Variants in MED13L observed in about 807,000 individuals in gnomAD.
MED13L encodes the protein mediator complex subunit 13L.
Under a neutral mutation model 220.9 loss-of-function variants are expected in MED13L, and 7 were observed. The observed-to-expected ratio is 0.03, with a 90% CI of 0.02 to 0.06. The LOEUF (loss-of-function observed/expected upper bound fraction) is 0.06, where lower values mean the gene tolerates loss of function less well. Among genes scored for constraint, MED13L ranks in the 10% least tolerant of loss-of-function variants. The pLI is 1.00. For missense variants in MED13L, 1,965 were observed against 2,760.5 expected (o/e 0.71, Z 6.46); for synonymous variants, 1,011 against 1,015.2 (o/e 1.00, Z 0.08).
intron 4 of MED13L, among the ~76,000 whole-genome samples, chr12:116,041,943 C>T (rs1298802085): frequency 6.6e-6 from 1 of 152,122 alleles, no homozygotes; most frequent in Admixed American, 6.5e-5. Context: ...GAAATTTAGC[C>T]AAGAGGAGAC....
At chr12:116,156,900 C>T (rs1016150974) in intron 2 of MED13L, among the ~76,000 whole-genome samples, 2 of 152,116 alleles carry the variant, frequency 1.3e-5, no homozygotes, top group African/African-American at 4.8e-5. Context: ...AGAAGCTGAA[C>T]ATTGAGGATG....
chr12:116,270,378 G>C (rs1038163361), intron 1 of MED13L, among the ~76,000 whole-genome samples: 2 of 152,002 alleles, frequency 1.3e-5, no homozygotes, highest in African/African-American at 2.4e-5. Flanking sequence ...TCCTGACCTC[G>C]TGATCCGCCT....
Position 116,008,568 on chromosome 12 carries a change from T to C in MED13L, c.1845A>G (p.Thr615=). The part of the protein sequence containing the change: ...RLPLMAEVSE[T]ALYCGIRPSN... ...AGGGCCTAATCCCACAATATAAGGC[T>C]GTCTCGCTGACCTCTGCCATGAGAG... is the stretch of plus-strand genomic sequence containing the variant. Residue 615 remains threonine (T), a synonymous_variant, in exon 10 of 31, where the codon ACA becomes ACG. Transcript: ENST00000281928. 1.9e-6 allele frequency: 3 copies of C among 1,614,028 alleles called. No individual in the cohort carries two copies. Among genetic ancestry groups the C allele is most frequent in the Non-Finnish European group, 1.7e-6 (2 of 1,179,976 alleles).
intron 4 of MED13L, among the ~76,000 whole-genome samples, chr12:116,067,527 C>T (rs1870040334): frequency 1.3e-5 from 2 of 152,112 alleles, no homozygotes; most frequent in South Asian, 4.1e-4. Context: ...AAAGTAGATG[C>T]CTCATCTCCC....
Position 116,066,809 on chromosome 12 carries a change from C to A in MED13L, c.479+29860G>T, listed in dbSNP as rs1249204390. Among the ~76,000 whole-genome samples the A allele has an allele frequency of 4.0e-5, 6 of 151,302 alleles. No individual in the cohort carries two copies. The East Asian group carries it at 9.7e-4, about 25-fold the overall frequency. On this transcript the variant is annotated intron_variant, in intron 4 of 30. Transcript: ENST00000281928. Reference sequence around the variant, plus strand: ...AAAGCGCATCAACTCTACCGGCTACCAACAGAGGGCGAAAGCGGTCACATG... The same window carrying A: ...AAAGCGCATCAACTCTACCGGCTACAAACAGAGGGCGAAAGCGGTCACATG...
intron 4 of MED13L, among the ~76,000 whole-genome samples, chr12:116,060,115 G>T (rs1421925087): frequency 1.3e-5 from 2 of 152,100 alleles, no homozygotes; most frequent in African/African-American, 4.8e-5. Flanking sequence ...CTAAGCGCAA[G>T]ATTGCTCCTG....
Position 115,983,180 on chromosome 12 carries a change from C to T in MED13L, c.4892G>A (p.Gly1631Asp). Reference sequence around the variant, plus strand: ...CCCAGGGTCAGTGTCTCCACCACAGCCTATGTTCCCTTGCGTTCTATCCGC... The same window carrying T: ...CCCAGGGTCAGTGTCTCCACCACAGTCTATGTTCCCTTGCGTTCTATCCGC... Reference protein sequence around the residue: ...ISADRTQGNIGCGGDTDPGQS... With the variant: ...ISADRTQGNIDCGGDTDPGQS... The change falls in exon 21 of 31, where the codon GGC (glycine) becomes GAC (aspartate). Residue 1631 changes from glycine (G) to aspartate (D), a missense_variant. This residue lies in a region of MED13L where 510 missense variants were observed against 620.4 expected (regional missense o/e 0.82). Coordinates refer to ENST00000281928, the MANE Select transcript of MED13L (RefSeq NM_015335.5). The T allele has an allele frequency of 6.2e-7, 1 of 1,614,162 alleles. No individual in the cohort carries two copies. Among genetic ancestry groups the T allele is most frequent in the East Asian group, 2.2e-5 (1 of 44,876 alleles).
At chr12:116,092,191 G>GA (rs1454388362) in intron 4 of MED13L, among the ~76,000 whole-genome samples, 3 of 152,120 alleles carry the variant, frequency 2.0e-5, no homozygotes, top group Non-Finnish European at 2.9e-5. Flanking sequence ...GAGTAAAACA[G>GA]AAAAAATCAT....
Position 115,987,263 on chromosome 12 carries a change from G to A in MED13L, c.3960C>T (p.Ser1320=), listed in dbSNP as rs1877754261. The change falls in exon 18 of 31, where the codon TCC becomes TCT. Residue 1320 remains serine (S), a synonymous_variant. Transcript: ENST00000281928. ...ACAACAGCATACGAACCACATCCTG[G>A]GAGGAGAGCATGCTGATGTCCAGCA... is the stretch of plus-strand genomic sequence containing the variant. ...SNVLDISMLS[S]QDVVRMLLSL... is the part of the protein sequence containing the mutation. The A allele has an allele frequency of 6.2e-7, 1 of 1,613,406 alleles. No individual in the cohort carries two copies. The highest frequency in any genetic ancestry group is 8.5e-7 in the Non-Finnish European group (1 of 1,179,972).
intron 1 of MED13L, chr12:116,276,461 C>G: frequency 7.8e-7 from 1 of 1,288,938 alleles, no homozygotes; most frequent in Non-Finnish European, 1.0e-6. Context: ...GGCTTTACGG[C>G]TCTCCAGCAT....
At chr12:116,043,352 G>T (rs1881648394) in intron 4 of MED13L, among the ~76,000 whole-genome samples, 1 of 152,188 alleles carries the variant, frequency 6.6e-6, no homozygotes, top group African/African-American at 2.4e-5. Flanking sequence ...CAGTTTAATA[G>T]TCTGGTTCAG....
intron 4 of MED13L, among the ~76,000 whole-genome samples, chr12:116,085,754 TCACACACACA>T (rs10611880): frequency 2.9e-4 from 43 of 147,120 alleles, no homozygotes; most frequent in East Asian, 8.0e-4. Context: ...TTAAAATCAC[TCACACACACA>T]CACACACACA....
chr12:115,975,032 C>T, intron 25 of MED13L, 139 bp downstream of exon 25: 1 of 923,070 alleles, frequency 1.1e-6, no homozygotes, highest in Non-Finnish European at 1.7e-6. Flanking sequence ...CTGGTTTATC[C>T]TGTACATATA....
At chr12:116,035,677 A>G (rs958952308) in intron 4 of MED13L, among the ~76,000 whole-genome samples, 1 of 151,602 alleles carries the variant, frequency 6.6e-6, no homozygotes, top group African/African-American at 2.4e-5. Context: ...TGCAGCCTCG[A>G]CCTCCCAAGA....
At chr12:116,217,051 T>C (rs187969905) in intron 2 of MED13L, among the ~76,000 whole-genome samples, 54 of 152,362 alleles carry the variant, frequency 3.5e-4, no homozygotes, top group Admixed American at 3.3e-3. Flanking sequence ...GCTTTGGTGA[T>C]AATTTGGGAA....
At chr12:116,255,176 G>T (rs1366978541) in intron 1 of MED13L, among the ~76,000 whole-genome samples, 1 of 152,120 alleles carries the variant, frequency 6.6e-6, no homozygotes, top group African/African-American at 2.4e-5. Flanking sequence ...TGTAGTACTG[G>T]CATAACAGAC....
chr12:116,174,500 T>A (rs1419461423), intron 2 of MED13L: 2 of 151,632 alleles, frequency 1.3e-5, no homozygotes, highest in South Asian at 2.1e-4. Context: ...TTTTTTTTTT[T>A]ACTGGGAAAA....
chr12:116,001,712 T>C (rs1878755092), intron 14 of MED13L, among the ~76,000 whole-genome samples: 1 of 152,236 alleles, frequency 6.6e-6, no homozygotes, highest in African/African-American at 2.4e-5. Flanking sequence ...TATCTGGGTT[T>C]TCCTGGTGTT....
intron 2 of MED13L, among the ~76,000 whole-genome samples, chr12:116,142,029 G>A (rs1877124799): frequency 6.6e-6 from 1 of 151,882 alleles, no homozygotes; most frequent in South Asian, 2.1e-4. Context: ...CTCTCTCCCT[G>A]AAATGCTCTT....
Sources: gnomAD v4.1 joint callset for allele counts (sites outside exome capture counted in the v4.1 genomes callset) on GRCh38, gnomAD v4.1.1 for gene constraint, gnomAD v4.1.1 regional missense constraint, MANE v1.5 for transcripts, NCBI Gene and HGNC (gene_info 2026-07-23, HGNC 2026-07-21) for gene names.